The following RBFOX1 variants were observed in gnomAD, a reference collection of about 807,000 sequenced individuals.
The protein encoded by RBFOX1 is RNA binding protein fox-1 homolog 1.
In RBFOX1, 8 loss-of-function variants were observed where a neutral mutation model predicts 57.7. The observed-to-expected ratio is 0.14, with a 90% CI of 0.08 to 0.25. The LOEUF is 0.25. Ranked by LOEUF, RBFOX1 falls within the 10% of genes least tolerant of loss-of-function variation. The probability of loss-of-function intolerance (pLI) is 1.00; values close to 1 mark genes in which losing one functional copy is unlikely to be tolerated. For synonymous variants in RBFOX1, 326 were observed against 222.4 expected, an observed-to-expected ratio of 1.47 and a Z score of -4.15; for missense variants, 611 against 548.5, an observed-to-expected ratio of 1.11 and a Z score of -1.14.
At chr16:6,239,285 T>G (rs898944314) in intron 1 of RBFOX1, among the ~76,000 whole-genome samples, 1 of 152,122 alleles carries the variant, frequency 6.6e-6, no homozygotes, top group Admixed American at 6.5e-5. Flanking sequence ...CTTGAGATAC[T>G]TCTTACAGTC....
intron 3 of RBFOX1, among the ~76,000 whole-genome samples, chr16:6,780,730 T>A (rs1307026684): frequency 6.6e-6 from 1 of 151,488 alleles, no homozygotes; most frequent in African/African-American, 2.4e-5. Context: ...TGATTTGCAT[T>A]TCTCTAATGA....
chr16:6,182,363 G>A (rs1278761414), intron 1 of RBFOX1, among the ~76,000 whole-genome samples: 1 of 152,062 alleles, frequency 6.6e-6, no homozygotes, highest in Non-Finnish European at 1.5e-5. Flanking sequence ...ACCTACCACA[G>A]CCACTTTAGA....
intron 5 of RBFOX1, among the ~76,000 whole-genome samples, chr16:7,529,694 G>C (rs543666262): frequency 5.3e-5 from 8 of 152,030 alleles, no homozygotes; most frequent in African/African-American, 1.5e-4. Context: ...TACAACTTCT[G>C]ACTTAATCTT....
chr16:7,138,785 T>C (rs914142895), intron 4 of RBFOX1, among the ~76,000 whole-genome samples: 1 of 152,126 alleles, frequency 6.6e-6, no homozygotes, highest in Non-Finnish European at 1.5e-5. Flanking sequence ...TCCATTTCCC[T>C]TTGGAGAGCT....
intron 4 of RBFOX1, among the ~76,000 whole-genome samples, chr16:7,433,809 G>A (rs1278861805): frequency 1.3e-5 from 2 of 151,842 alleles, no homozygotes; most frequent in Admixed American, 6.5e-5. Flanking sequence ...TAGCCAGCCA[G>A]CCTTTCTAAA....
intron 4 of RBFOX1, among the ~76,000 whole-genome samples, chr16:7,174,451 C>A (rs182576555): frequency 1.3e-5 from 2 of 152,046 alleles, no homozygotes; most frequent in Non-Finnish European, 2.9e-5. Context: ...AGTGGAATTG[C>A]TGGGTTGTAT....
At chr16:7,333,158 G>C (rs2096723450) in intron 4 of RBFOX1, 1 of 1,432,006 alleles carries the variant, frequency 7.0e-7, no homozygotes, top group African/African-American at 1.4e-5. Context: ...GAATTTTTAT[G>C]GTTGAGAAAG....
intron 3 of RBFOX1, among the ~76,000 whole-genome samples, chr16:6,746,218 A>G (rs892307486): frequency 6.6e-6 from 1 of 152,150 alleles, no homozygotes; most frequent in Non-Finnish European, 1.5e-5. Flanking sequence ...ACACAATGCC[A>G]ATCAAACCCC....
chr16:7,090,534 G>A (rs1437467780), intron 4 of RBFOX1, among the ~76,000 whole-genome samples: 1 of 152,122 alleles, frequency 6.6e-6, no homozygotes, highest in Non-Finnish European at 1.5e-5. Flanking sequence ...AGTTACAGAT[G>A]CTTAATATGT....
chr16:6,928,046 C>T (rs1718513190), intron 3 of RBFOX1, among the ~76,000 whole-genome samples: 1 of 152,160 alleles, frequency 6.6e-6, no homozygotes, highest in Non-Finnish European at 1.5e-5. Context: ...TATAATTTCC[C>T]CAACTTGGGT....
intron 3 of RBFOX1, among the ~76,000 whole-genome samples, chr16:6,687,823 C>A (rs2059659216): frequency 6.6e-6 from 1 of 152,118 alleles, no homozygotes; most frequent in Non-Finnish European, 1.5e-5. Flanking sequence ...TCACATGGGC[C>A]CAACCTAACT....
intron 2 of RBFOX1, among the ~76,000 whole-genome samples, chr16:6,364,224 A>G (rs920879970): frequency 1.3e-5 from 2 of 152,232 alleles, no homozygotes; most frequent in Non-Finnish European, 2.9e-5. Flanking sequence ...GGCAGAATTC[A>G]AAAGTGCTTT....
At chr16:5,837,563 G>T (rs1287765803) in intron 3 of RBFOX1, among the ~76,000 whole-genome samples, 3 of 151,236 alleles carry the variant, frequency 2.0e-5, no homozygotes, top group Non-Finnish European at 4.4e-5. Flanking sequence ...GCAGGAGGAG[G>T]TGGAAAAGCA....
chr16:5,901,042 C>G (rs1211259208), intron 4 of RBFOX1, among the ~76,000 whole-genome samples: 1 of 152,196 alleles, frequency 6.6e-6, no homozygotes, highest in Non-Finnish European at 1.5e-5. Flanking sequence ...TACCTGCCTC[C>G]TCTCCATTAT....
At chr16:5,563,180 A>G (rs1326356030) in intron 2 of RBFOX1, among the ~76,000 whole-genome samples, 1 of 152,166 alleles carries the variant, frequency 6.6e-6, no homozygotes, top group East Asian at 1.9e-4. Flanking sequence ...AACTCCTGAC[A>G]TCAGGTGATC....
At chr16:7,306,710 C>T (rs144084506) in intron 4 of RBFOX1, among the ~76,000 whole-genome samples, 8 of 152,202 alleles carry the variant, frequency 5.3e-5, no homozygotes, top group African/African-American at 1.7e-4. Context: ...GGAAGCTCAC[C>T]GCTAGGGTGT....
intron 1 of RBFOX1, among the ~76,000 whole-genome samples, chr16:5,248,626 A>C (rs1437022691): frequency 6.6e-6 from 1 of 152,118 alleles, no homozygotes; most frequent in Non-Finnish European, 1.5e-5. Context: ...CTGAGAGTGC[A>C]GCTCTGAAAG....
At chr16:5,242,408 G>C (rs1245046790) in intron 1 of RBFOX1, among the ~76,000 whole-genome samples, 2 of 152,182 alleles carry the variant, frequency 1.3e-5, no homozygotes, top group South Asian at 4.1e-4. Flanking sequence ...AGGGAATCTT[G>C]ATTTTCAAAC....
intron 3 of RBFOX1, among the ~76,000 whole-genome samples, chr16:5,641,652 A>G (rs1410129790): frequency 2.0e-5 from 3 of 152,160 alleles, no homozygotes; most frequent in African/African-American, 7.2e-5. Flanking sequence ...GGCCTGGGGA[A>G]GTATGCTTGG....
Sources: gnomAD v4.1 joint callset for allele counts (sites outside exome capture counted in the v4.1 genomes callset) on GRCh38, gnomAD v4.1.1 for gene constraint, MANE v1.5 for transcripts, NCBI Gene and HGNC (gene_info 2026-07-23, HGNC 2026-07-21) for gene names.